RYR2: variants seen among roughly 807,000 people sequenced by gnomAD.
RYR2 encodes ryanodine receptor 2.
RYR2 carries 227 observed loss-of-function variants against 601.1 expected under a neutral mutation model. The ratio of observed to expected loss-of-function variants is 0.38; its 90% CI spans 0.34 to 0.42. The LOEUF is 0.42. Among genes scored for constraint, RYR2 ranks in the 10% least tolerant of loss-of-function variants. The pLI is 1.00. For missense variants in RYR2, 4,646 were observed against 6,156.5 expected, an observed-to-expected ratio of 0.75 and a Z score of 8.21; for synonymous variants, 2,223 against 2,175.1, an observed-to-expected ratio of 1.02 and a Z score of -0.61.
intron 2 of RYR2, among the ~76,000 whole-genome samples, chr1:237,323,317 T>C (rs1358299631): frequency 6.6e-6 from 1 of 152,174 alleles, no homozygotes; most frequent in Non-Finnish European, 1.5e-5. Flanking sequence ...TGAGGCTCAA[T>C]TCATAGCAGA....
chr1:237,434,010 G>T (rs1215604219), intron 12 of RYR2, among the ~76,000 whole-genome samples: 1 of 152,142 alleles, frequency 6.6e-6, no homozygotes, highest in East Asian at 1.9e-4. Context: ...TTCTAGGTCA[G>T]TTGCAAATCT....
At chr1:237,361,387 C>T (rs1439380993) in intron 4 of RYR2, among the ~76,000 whole-genome samples, 1 of 152,080 alleles carries the variant, frequency 6.6e-6, no homozygotes, top group African/African-American at 2.4e-5. Context: ...CGGTTGGAGA[C>T]TTATGGAGAA....
At chr1:237,446,235 A>G (rs535287371) in intron 14 of RYR2, among the ~76,000 whole-genome samples, 2 of 152,340 alleles carry the variant, frequency 1.3e-5, no homozygotes, top group South Asian at 4.1e-4. Context: ...TCTATAGACT[A>G]AATTAAACTT....
In RYR2 at chr1:237,228,197, C is replaced by T. The variant is rs1403398112; in HGVS notation, c.49-42300C>T. On this transcript the variant is annotated intron_variant, in intron 1 of 104. Coordinates refer to ENST00000366574, the MANE Select transcript of RYR2 (RefSeq NM_001035.3). ...ATCCCTTTGCATCCTCATAGCTTAG[C>T]TCCCACTTGTGGGTGAGAACATACG... Among the ~76,000 whole-genome samples, 7 of 152,316 alleles carry T rather than the reference C, an allele frequency of 4.6e-5. No individual in the cohort carries two copies. In the South Asian group the frequency reaches 1.5e-3, roughly 32 times the overall value.
chr1:237,822,088 T>C (rs973089869), intron 101 of RYR2, among the ~76,000 whole-genome samples: 1 of 152,070 alleles, frequency 6.6e-6, no homozygotes, highest in Non-Finnish European at 1.5e-5. Flanking sequence ...GGAACCAAGT[T>C]GGAAAACACT....
intron 24 of RYR2, among the ~76,000 whole-genome samples, chr1:237,516,571 C>T (rs149670181): frequency 6.6e-6 from 1 of 152,192 alleles, no homozygotes; most frequent in Non-Finnish European, 1.5e-5. Context: ...TCCATCTCTA[C>T]CCCAGACATC....
chr1:237,607,325 C>CA (rs1372038241), intron 35 of RYR2, among the ~76,000 whole-genome samples: 5 of 149,048 alleles, frequency 3.4e-5, no homozygotes, highest in Admixed American at 2.7e-4. Context: ...ATCACAAGGA[C>CA]AAAAAACCAC....
rs78728355 is a variant in RYR2 at position 237,801,836 on chromosome 1, T to A, written c.14091-20T>A. 1.3e-6 allele frequency: 2 copies of A among 1,546,920 alleles called. No individual in the cohort carries two copies. The highest frequency in any genetic ancestry group is 3.5e-5 in the Admixed American group (2 of 57,970). ...TGGTTAATGTGCATAACTACGCATT[T>A]TTTTTTTTTGTCATTGCAGACTGAA... On this transcript the variant is annotated intron_variant, in intron 97 of 104. Coordinates refer to ENST00000366574, the MANE Select transcript of RYR2 (RefSeq NM_001035.3).
chr1:237,267,439 GA>G (rs1689186123), intron 1 of RYR2, among the ~76,000 whole-genome samples: 1 of 152,170 alleles, frequency 6.6e-6, no homozygotes, highest in Non-Finnish European at 1.5e-5. Flanking sequence ...AGAATCACTT[GA>G]ACCCAGGAGG....
At chr1:237,575,000 T>A (rs1056743531) in intron 29 of RYR2, among the ~76,000 whole-genome samples, 1 of 152,152 alleles carries the variant, frequency 6.6e-6, no homozygotes, top group Non-Finnish European at 1.5e-5. Flanking sequence ...ACCGGTATGT[T>A]GATCAAGGGG....
In RYR2 at chr1:237,562,990, T is replaced by A. The variant is rs1163463150; in HGVS notation, c.3215-3577T>A. On this transcript the variant is annotated intron_variant, in intron 27 of 104. Transcript: ENST00000366574. The stretch of plus-strand genomic sequence containing the variant: ...ATAAGTTTGTTACGGATTGCTTGGA[T>A]CTTTTTAAAAAACTCCTACAAACCC... Among the ~76,000 whole-genome samples the A allele has an allele frequency of 8.5e-5, 13 of 152,316 alleles. No individual in the cohort carries two copies. The East Asian group carries it at 2.3e-3, about 27-fold the overall frequency.
chr1:237,397,972 C>T (rs1011851598), intron 10 of RYR2, among the ~76,000 whole-genome samples: 5 of 152,118 alleles, frequency 3.3e-5, no homozygotes. Context: ...CCACCCGCCT[C>T]GGCCTCCCAA....
At chr1:237,298,413 T>A (rs531579889) in intron 2 of RYR2, among the ~76,000 whole-genome samples, 1 of 152,316 alleles carries the variant, frequency 6.6e-6, no homozygotes, top group Non-Finnish European at 1.5e-5. Context: ...ATCAATGAGA[T>A]GTGTGTCCAG....
intron 58 of RYR2, among the ~76,000 whole-genome samples, chr1:237,672,310 CTT>C: frequency 6.6e-6 from 1 of 152,276 alleles, no homozygotes; most frequent in African/African-American, 2.4e-5. Context: ...CCCACAGTAA[CTT>C]ATTGGTATGC....
rs376243998 is a variant in RYR2, at chr1:237,492,990, G to T, written c.1864G>T (p.Gly622Trp). 1 of 1,607,418 alleles carries T rather than the reference G, an allele frequency of 6.2e-7. No homozygotes were observed. Among genetic ancestry groups the T allele is most frequent in the Admixed American group, 1.7e-5 (1 of 59,188 alleles). ...CTTGTGCTCACTCTGTGTTTGCCAC[G>T]GGGTTGCAGTCCGTTCTAACCAGCA... ...DVLCSLCVCH[G>W]VAVRSNQHLI... Residue 622 changes from glycine (G) to tryptophan (W), a missense_variant, in exon 19 of 105, where the codon GGG (glycine) becomes TGG (tryptophan). Gly to Trp is a radical substitution (Grantham distance 184). This residue lies in a region of RYR2 where 1,807 missense variants were observed against 2,088.1 expected (regional missense o/e 0.87). Coordinates refer to ENST00000366574, the MANE Select transcript of RYR2 (RefSeq NM_001035.3).
chr1:237,709,980 C>G (rs2149071750), intron 70 of RYR2, among the ~76,000 whole-genome samples: 1 of 152,298 alleles, frequency 6.6e-6, no homozygotes, highest in East Asian at 1.9e-4. Flanking sequence ...TATCTTCACA[C>G]ACTTTACACC....
chr1:237,292,616 CA>C (rs1307629517), intron 2 of RYR2, among the ~76,000 whole-genome samples: 56 of 152,282 alleles, frequency 3.7e-4, no homozygotes, highest in Non-Finnish European at 6.0e-4. Flanking sequence ...AAATTTTAAA[CA>C]TAAGCAGCAA....
rs1311002036 is a variant in RYR2 at position 237,793,914 on chromosome 1, G to A, written c.13830G>A (p.Leu4610=). 5 of 1,611,406 alleles carry A rather than the reference G, an allele frequency of 3.1e-6. No homozygotes were observed. The highest frequency in any genetic ancestry group is 2.5e-6 in the Non-Finnish European group (3 of 1,177,740). Residue 4610 remains leucine (L), a synonymous_variant, in exon 95 of 105, where the codon TTG becomes TTA. Coordinates refer to ENST00000366574, the MANE Select transcript of RYR2 (RefSeq NM_001035.3). ...FKREKEVARK[L]EFDGLYITEQ... ...GAGAAAAGGAAGTGGCACGGAAATT[G>A]GAATTTGATGGGCTTTATATTACAG...
At chr1:237,518,549 A>G (rs1318679817) in intron 24 of RYR2, among the ~76,000 whole-genome samples, 2 of 152,180 alleles carry the variant, frequency 1.3e-5, no homozygotes, top group African/African-American at 4.8e-5. Flanking sequence ...AGTTAAAATA[A>G]TGACCCCAGT....
Sources: allele counts gnomAD v4.1 joint callset (sites outside exome capture counted in the v4.1 genomes callset), GRCh38; gene constraint gnomAD v4.1.1; regional missense constraint gnomAD v4.1.1; transcripts MANE v1.5; gene names NCBI Gene and HGNC (gene_info 2026-07-23, HGNC 2026-07-21).